STAT5B: variants seen among roughly 807,000 people sequenced by gnomAD.
STAT5B encodes signal transducer and activator of transcription 5B, also known as transcription factor STAT5B.
In STAT5B, 21 loss-of-function variants were observed where a neutral mutation model predicts 107.8. The observed-to-expected ratio is 0.19, with a 90% CI of 0.14 to 0.28. The LOEUF (loss-of-function observed/expected upper bound fraction) is 0.28, where lower values mean the gene tolerates loss of function less well. Among genes scored for constraint, STAT5B ranks in the 10% least tolerant of loss-of-function variants. STAT5B has a pLI of 1.00. For missense variants in STAT5B, 565 were observed against 1,008.2 expected, an observed-to-expected ratio of 0.56 and a Z score of 5.95; for synonymous variants, 325 against 401.7, an observed-to-expected ratio of 0.81 and a Z score of 2.28.
At chr17:42,207,524 CA>C (rs1555547822) in intron 16 of STAT5B, 33 bp downstream of exon 16, 1 of 1,471,400 alleles carries the variant, frequency 6.8e-7, no homozygotes, top group Non-Finnish European at 9.1e-7. Flanking sequence ...CACACACACA[CA>C]ACAAAATCAA....
intron 12 of STAT5B, among the ~76,000 whole-genome samples, chr17:42,213,776 A>G (rs8065226): frequency 1 from 149,123 of 149,156 alleles, 74,545 homozygotes; most frequent in Middle Eastern, 1. Flanking sequence ...TGATCCACCC[A>G]CCTCGGCCTC....
chr17:42,206,546 G>A (rs777492667), intron 16 of STAT5B, among the ~76,000 whole-genome samples: 25 of 152,152 alleles, frequency 1.6e-4, no homozygotes, highest in Non-Finnish European at 2.9e-4. Flanking sequence ...CTAGATGAGA[G>A]ATGTTGTGTG....
chr17:42,238,314 C>CTTTT (rs778903836), intron 1 of STAT5B, among the ~76,000 whole-genome samples: 3 of 137,824 alleles, frequency 2.2e-5, no homozygotes, highest in African/African-American at 2.7e-5. Flanking sequence ...AAGAAAAAAA[C>CTTTT]TTTTTTTTTT....
At chr17:42,256,686 C>T (rs1002028874) in intron 1 of STAT5B, among the ~76,000 whole-genome samples, 1 of 151,600 alleles carries the variant, frequency 6.6e-6, no homozygotes, top group Non-Finnish European at 1.5e-5. Context: ...GGTGAAACCC[C>T]GTCTCTACTA....
chr17:42,211,030 G>A (rs779593014), intron 13 of STAT5B, among the ~76,000 whole-genome samples: 4 of 151,664 alleles, frequency 2.6e-5, no homozygotes, highest in South Asian at 2.1e-4. Flanking sequence ...GTGAAACCCC[G>A]TCTCTACTAA....
intron 1 of STAT5B, among the ~76,000 whole-genome samples, chr17:42,265,299 A>C (rs553602036): frequency 2.8e-4 from 43 of 151,932 alleles, no homozygotes; most frequent in Admixed American, 1.1e-3. Flanking sequence ...TATTTGTACA[A>C]ATCTTTAAAC....
chr17:42,287,336 C>G, the STAT5B span, among the ~76,000 whole-genome samples: 2 of 150,854 alleles, frequency 1.3e-5, no homozygotes, highest in Admixed American at 6.6e-5. Flanking sequence ...ATGCACCCCC[C>G]CCAACAGAAC....
intron 1 of STAT5B, among the ~76,000 whole-genome samples, chr17:42,244,368 A>G (rs150944391): frequency 0.012 from 1,827 of 151,584 alleles, 47 homozygotes; most frequent in African/African-American, 0.042. Flanking sequence ...TGGGATGACA[A>G]GTGTGAGCCA....
chr17:42,217,498 T>G, intron 9 of STAT5B, 34 bp from the exon 10 acceptor site: 1 of 1,611,950 alleles, frequency 6.2e-7, no homozygotes, highest in East Asian at 2.2e-5. Context: ...TCCAAACCCA[T>G]GCCAGGGTCT....
intron 1 of STAT5B, among the ~76,000 whole-genome samples, chr17:42,235,861 C>T (rs189365533): frequency 1.3e-5 from 2 of 152,156 alleles, no homozygotes; most frequent in East Asian, 3.9e-4. Flanking sequence ...ACTTGCGGAG[C>T]GAATAAATAC....
At position 42,227,692 on chromosome 17, in the gene STAT5B, G is replaced by T. The variant is rs1362837835; in HGVS notation, c.129-7C>A. ...ATCAAGATCTACTGAGTCCCTAGGG[G>T]AAAAAAATTACATAATCTGTATACA... On this transcript the variant is annotated splice_polypyrimidine_tract_variant and splice_region_variant and intron_variant, in intron 2 of 18. Transcript: ENST00000293328. 6.2e-7 allele frequency: 1 copy of T among 1,613,754 alleles called. No homozygotes were observed. The highest frequency in any genetic ancestry group is 1.1e-5 in the South Asian group (1 of 91,056).
chr17:42,225,403 C>A (rs555242972), intron 3 of STAT5B, among the ~76,000 whole-genome samples: 1 of 152,112 alleles, frequency 6.6e-6, no homozygotes. Context: ...TTAAAAGCCT[C>A]GCAAGAGGAG....
At chr17:42,205,537 T>C (rs2080078203) in intron 16 of STAT5B, among the ~76,000 whole-genome samples, 1 of 152,188 alleles carries the variant, frequency 6.6e-6, no homozygotes. Context: ...AGGATTTTTG[T>C]ACTTGTTCTC....
intron 12 of STAT5B, chr17:42,214,261 T>C: frequency 1.0e-6 from 1 of 985,198 alleles, no homozygotes; most frequent in Non-Finnish European, 1.2e-6. Flanking sequence ...GTGCAGGAGA[T>C]GCCAAAGGTA....
At chr17:42,217,316 T>C (rs1349382046) in intron 10 of STAT5B, 34 bp from the exon 11 acceptor site, 5 of 1,614,140 alleles carry the variant, frequency 3.1e-6, no homozygotes, top group African/African-American at 2.7e-5. Flanking sequence ...AAACGTAAGA[T>C]ATAAGTTGTT....
Position 42,223,596 on chromosome 17 carries a change from G to A in STAT5B, c.376-40C>T, listed in dbSNP as rs746458006. 1.9e-6 allele frequency: 3 copies of A among 1,607,104 alleles called. No homozygotes were observed. The South Asian group carries it at 3.3e-5, about 18-fold the overall frequency. Reference sequence around the variant, plus strand: ...GGGGCAGTGCAAGGCAGTGCGAATGGGAGGAAGACTGAGGCCTTAATCCCC... The same window carrying A: ...GGGGCAGTGCAAGGCAGTGCGAATGAGAGGAAGACTGAGGCCTTAATCCCC... On this transcript the variant is annotated intron_variant, in intron 4 of 18. Coordinates refer to ENST00000293328, the MANE Select transcript of STAT5B (RefSeq NM_012448.4).
At chr17:42,277,025 T>C (rs2080772696), upstream of STAT5B, among the ~76,000 whole-genome samples, 1 of 152,182 alleles carries the variant, frequency 6.6e-6, no homozygotes, top group African/African-American at 2.4e-5. Context: ...GCCGGTTCCC[T>C]TCCTGGGAAA....
intron 1 of STAT5B, chr17:42,234,659 G>C (rs1431890665): frequency 6.6e-6 from 1 of 152,168 alleles, no homozygotes; most frequent in Non-Finnish European, 1.5e-5. Flanking sequence ...CAGGAGTTCG[G>C]GACAAGCCTG....
chr17:42,207,997 C>T lies in STAT5B; in HGVS notation c.1907-269G>A, dbSNP rs575877144. Reference sequence around the variant, plus strand: ...GCAACCTCCAACTCCCTGGTTCAAGCGATTCTCCTGCCTCAGCCTCCCAAG... The same window carrying T: ...GCAACCTCCAACTCCCTGGTTCAAGTGATTCTCCTGCCTCAGCCTCCCAAG... On this transcript the variant is annotated intron_variant, in intron 15 of 18. Coordinates refer to ENST00000293328, the MANE Select transcript of STAT5B (RefSeq NM_012448.4). 2.7e-4 allele frequency among the ~76,000 whole-genome samples: 41 copies of T among 152,250 alleles called. No homozygotes were observed. In the South Asian group the frequency reaches 3.5e-3, roughly 13 times the overall value.
Sources: gnomAD v4.1 joint callset for allele counts (sites outside exome capture counted in the v4.1 genomes callset) on GRCh38, gnomAD v4.1.1 for gene constraint, MANE v1.5 for transcripts, NCBI Gene and HGNC (gene_info 2026-07-23, HGNC 2026-07-21) for gene names.